The following ZNF324B variants were observed in gnomAD, a reference collection of about 807,000 sequenced individuals.
ZNF324B encodes the protein zinc finger protein 324B.
Under a neutral mutation model 10.6 loss-of-function variants are expected in ZNF324B, and 7 were observed. The observed-to-expected ratio is 0.66, with a 90% CI of 0.38 to 1.24. The LOEUF is 1.24. ZNF324B is among the 50% of genes most tolerant of loss of function. The pLI is 0.02. For synonymous variants in ZNF324B, 316 were observed against 321.0 expected (o/e 0.98, Z 0.17); for missense variants, 640 against 764.7 (o/e 0.84, Z 1.92).
upstream of ZNF324B, chr19:58,451,601 T>C (rs764638160): frequency 5.8e-6 from 3 of 516,714 alleles, no homozygotes; most frequent in Non-Finnish European, 1.2e-5. Flanking sequence ...CTCTGGGGGC[T>C]GGACTTCCGG....
At chr19:58,437,877 T>A in the ZNF324B span, 7 of 754,998 alleles carry the variant, frequency 9.3e-6, no homozygotes, top group African/African-American at 1.3e-4. Context: ...CATAAGCAGA[T>A]CTCAAATATC....
the ZNF324B span, chr19:58,436,984 C>T: frequency 6.2e-7 from 1 of 1,611,278 alleles, no homozygotes; most frequent in Non-Finnish European, 8.5e-7. Flanking sequence ...ATGAACAGAG[C>T]TTTCTATGGG....
At chr19:58,428,177 T>C in the ZNF324B span, among the ~76,000 whole-genome samples, 1 of 152,206 alleles carries the variant, frequency 6.6e-6, no homozygotes, top group African/African-American at 2.4e-5. Context: ...CAGTGGCCTC[T>C]GATCCATCAT....
chr19:58,434,368 C>G, the ZNF324B span: 2 of 1,614,248 alleles, frequency 1.2e-6, no homozygotes, highest in Non-Finnish European at 1.7e-6. Context: ...GAGGTGTGAT[C>G]TGTTACTGAA....
the ZNF324B span, chr19:58,437,084 A>G: frequency 1.9e-6 from 3 of 1,614,114 alleles, no homozygotes; most frequent in Non-Finnish European, 2.5e-6. Flanking sequence ...CCAGCATCAC[A>G]CTGTGGTACA....
At chr19:58,444,628 G>A in the ZNF324B span, 1 of 152,320 alleles carries the variant, frequency 6.6e-6, no homozygotes, top group Non-Finnish European at 1.5e-5. Flanking sequence ...CCAGACACTA[G>A]GGCCCTGCAG....
At chr19:58,449,901 A>T (rs1056965086), upstream of ZNF324B, among the ~76,000 whole-genome samples, 17 of 152,178 alleles carry the variant, frequency 1.1e-4, no homozygotes, top group African/African-American at 4.1e-4. Flanking sequence ...ACTGTTGGGA[A>T]GGCACGATTG....
At chr19:58,437,246 G>A in the ZNF324B span, 1 of 1,562,848 alleles carries the variant, frequency 6.4e-7, no homozygotes, top group Non-Finnish European at 8.6e-7. Flanking sequence ...TGGTCAAATG[G>A]AAATATGCAG....
chr19:58,439,946 G>A, the ZNF324B span: 48 of 991,552 alleles, frequency 4.8e-5, no homozygotes, highest in Non-Finnish European at 6.4e-5. Flanking sequence ...GCACCGCAGG[G>A]ACGAAGGCTG....
chr19:58,427,288 CTTTTTTCT>C, the ZNF324B span, among the ~76,000 whole-genome samples: 2 of 79,734 alleles, frequency 2.5e-5, no homozygotes, highest in African/African-American at 4.1e-5. Flanking sequence ...CCATGCCTGG[CTTTTTTCT>C]TTCTTTCTTT....
chr19:58,439,665 G>A, the ZNF324B span: 3 of 1,339,926 alleles, frequency 2.2e-6, no homozygotes, highest in Non-Finnish European at 3.0e-6. Context: ...ACACGATCAA[G>A]AGTCCCAGGA....
chr19:58,433,001 C>G, the ZNF324B span: 1 of 331,114 alleles, frequency 3.0e-6, no homozygotes, highest in Non-Finnish European at 5.5e-6. Flanking sequence ...CAACCAGCAT[C>G]GGTTCAGCTG....
chr19:58,431,842 A>T, the ZNF324B span, among the ~76,000 whole-genome samples: 4 of 152,158 alleles, frequency 2.6e-5, no homozygotes, highest in African/African-American at 9.7e-5. Flanking sequence ...ATACAAAAAA[A>T]TTAGCTGGGT....
chr19:58,439,774 C>G, the ZNF324B span: 6 of 1,545,302 alleles, frequency 3.9e-6, no homozygotes, highest in Non-Finnish European at 8.7e-7. Context: ...CCGGGCCCAT[C>G]AGCAACGCTG....
chr19:58,449,150 G>A (rs759631244), upstream of ZNF324B, among the ~76,000 whole-genome samples: 1 of 152,220 alleles, frequency 6.6e-6, no homozygotes, highest in African/African-American at 2.4e-5. Flanking sequence ...CTTAGGCTGT[G>A]GCTTCAGAGG....
the ZNF324B span, chr19:58,436,319 G>A: frequency 1.3e-5 from 2 of 154,468 alleles, no homozygotes; most frequent in Non-Finnish European, 2.9e-5. Context: ...ACTAGACTGT[G>A]TACTTTAAAA....
chr19:58,442,889 A>G, the ZNF324B span: 2 of 152,328 alleles, frequency 1.3e-5, no homozygotes, highest in Non-Finnish European at 2.9e-5. Context: ...CAAAAGAATA[A>G]AGCTTCTACA....
chr19:58,452,006 A>T (rs895780918), intron 1 of ZNF324B: 1 of 239,094 alleles, frequency 4.2e-6, no homozygotes, highest in Non-Finnish European at 8.3e-6. Flanking sequence ...GGGGCGGGGG[A>T]GTCCCTGCTC....
At chr19:58,427,364 T>TTC in the ZNF324B span, among the ~76,000 whole-genome samples, 31 of 38,748 alleles carry the variant, frequency 8.0e-4, no homozygotes, top group African/African-American at 2.4e-3. Flanking sequence ...CTTTCTTTCT[T>TTC]TCTTTCTTTC....
Sources: allele counts gnomAD v4.1 joint callset (sites outside exome capture counted in the v4.1 genomes callset), GRCh38; gene constraint gnomAD v4.1.1; transcripts MANE v1.5; gene names NCBI Gene and HGNC (gene_info 2026-07-23, HGNC 2026-07-21).